The following NKIRAS1 variants were observed in gnomAD, a reference collection of about 807,000 sequenced individuals.
The protein encoded by NKIRAS1 is NF-kappa-B inhibitor-interacting Ras-like protein 1.
In NKIRAS1, 16 loss-of-function variants were observed where a neutral mutation model predicts 19.8. The observed-to-expected ratio is 0.81, with a 90% CI of 0.55 to 1.23. The LOEUF (loss-of-function observed/expected upper bound fraction) is 1.23. Ranked by LOEUF, NKIRAS1 falls within the 50% of genes most tolerant of loss-of-function variation. NKIRAS1 has a pLI of 0.00. For synonymous variants in NKIRAS1, 88 were observed against 79.0 expected, an observed-to-expected ratio of 1.11 and a Z score of -0.61; for missense variants, 184 against 220.0, an observed-to-expected ratio of 0.84 and a Z score of 1.04.
At chr3:23,895,601 T>C (rs556771297) in intron 4 of NKIRAS1, among the ~76,000 whole-genome samples, 1 of 152,310 alleles carries the variant, frequency 6.6e-6, no homozygotes, top group East Asian at 1.9e-4. Flanking sequence ...AACCAGACTC[T>C]GTGCCTACAC....
At chr3:23,903,281 T>C (rs545091370) in intron 3 of NKIRAS1, among the ~76,000 whole-genome samples, 5 of 152,146 alleles carry the variant, frequency 3.3e-5, no homozygotes, top group South Asian at 2.1e-4. Flanking sequence ...GCCCCACTAA[T>C]TCTTGTATTT....
At chr3:23,919,929 G>A (rs968839297), upstream of NKIRAS1, 7 of 989,304 alleles carry the variant, frequency 7.1e-6, no homozygotes, top group African/African-American at 1.2e-4. Context: ...TTTTAAGTTG[G>A]GCTTTAGAAA....
At position 23,893,353 on chromosome 3, in the gene NKIRAS1, T is replaced by C. The variant is rs746838504; in HGVS notation, c.337-16A>G. The C allele has an allele frequency of 1.9e-6, 3 of 1,610,696 alleles. No individual in the cohort carries two copies. The highest frequency in any genetic ancestry group is 2.7e-5 in the African/African-American group (2 of 74,810). The stretch of plus-strand genomic sequence containing the variant: ...CAATTGCTACCTGAAAGAAAACGGA[T>C]TGAAAAGATCATACTAGTACTTTGC... On this transcript the variant is annotated splice_polypyrimidine_tract_variant and intron_variant, in intron 4 of 4. Transcript: ENST00000425478.
At chr3:23,918,383 G>A, upstream of NKIRAS1, 3 of 1,581,916 alleles carry the variant, frequency 1.9e-6, no homozygotes, top group Non-Finnish European at 2.6e-6. Context: ...AAGCCATTGA[G>A]TCTTAAGCCT....
rs994644085 is a variant in NKIRAS1 at position 23,890,185 on chromosome 3, C to T, written c.*2910G>A. On this transcript the variant is annotated 3_prime_UTR_variant, in exon 5 of 5. Transcript: ENST00000425478. ...CTGGATGTTCATTGCAGTCTGAAGC[C>T]TTGACCGTTCCAGTCTCTACTGAAC... Among the ~76,000 whole-genome samples, 2 of 152,128 alleles carry T rather than the reference C, an allele frequency of 1.3e-5. No individual in the cohort carries two copies. The highest frequency in any genetic ancestry group is 4.8e-5 in the African/African-American group (2 of 41,408).
intron 1 of NKIRAS1, among the ~76,000 whole-genome samples, chr3:23,915,301 T>C (rs1195992380): frequency 1.3e-5 from 2 of 151,994 alleles, no homozygotes. Context: ...CTTCATAAGG[T>C]GGAAAAGCCA....
chr3:23,915,126 C>T (rs4241514), intron 1 of NKIRAS1, among the ~76,000 whole-genome samples: 116,529 of 152,148 alleles, frequency 0.77, 45,238 homozygotes, highest in African/African-American at 0.85. Flanking sequence ...AACTTCCATA[C>T]GAAGATATTA....
intron 1 of NKIRAS1, 75 bp downstream of exon 1, chr3:23,916,709 G>A (rs776301902): frequency 6.7e-6 from 1 of 148,806 alleles, no homozygotes; most frequent in African/African-American, 2.5e-5. Context: ...GGTGGCCAGA[G>A]AGGGACAGCG....
At chr3:23,911,182 A>T in intron 2 of NKIRAS1, 147 bp downstream of exon 2, 1 of 310,322 alleles carries the variant, frequency 3.2e-6, no homozygotes, top group Non-Finnish European at 6.1e-6. Context: ...GGCCAGGCAC[A>T]GTGGCTCATG....
upstream of NKIRAS1, chr3:23,918,421 CGT>C (rs769860211): frequency 1.3e-5 from 21 of 1,608,218 alleles, no homozygotes; most frequent in African/African-American, 2.5e-4. Context: ...TCACTAATTT[CGT>C]GTGTGTTTGT....
At chr3:23,931,495 C>T (rs891789014) in intron 1 of NKIRAS1, among the ~76,000 whole-genome samples, 9 of 152,334 alleles carry the variant, frequency 5.9e-5, no homozygotes, top group African/African-American at 9.6e-5. Flanking sequence ...AAACATTCCT[C>T]GTCCTTGCCC....
rs1575050840 is a variant in NKIRAS1, at chr3:23,890,219, A to T, written c.*2876T>A. Among the ~76,000 whole-genome samples the T allele has an allele frequency of 1.3e-5, 2 of 152,040 alleles. No homozygotes were observed. Among genetic ancestry groups the T allele is most frequent in the East Asian group, 3.8e-4 (2 of 5,200 alleles). On this transcript the variant is annotated 3_prime_UTR_variant, in exon 5 of 5. Coordinates refer to ENST00000425478, the MANE Select transcript of NKIRAS1 (RefSeq NM_020345.4). ...TCCAGTCTCTACTGAACTCAGCCTA[A>T]CACATAAGAGTAAAGAAACTCCAAT...
intron 3 of NKIRAS1, among the ~76,000 whole-genome samples, chr3:23,908,726 C>T (rs990903025): frequency 1.3e-5 from 2 of 152,070 alleles, no homozygotes; most frequent in Admixed American, 6.5e-5. Context: ...TTGGAACATA[C>T]TGGTGTGATC....
chr3:23,933,299 C>T (rs1705345692), intron 1 of NKIRAS1, among the ~76,000 whole-genome samples: 1 of 152,230 alleles, frequency 6.6e-6, no homozygotes, highest in African/African-American at 2.4e-5. Context: ...AATTCTTCCT[C>T]ACTGTTGCTG....
At chr3:23,945,730 C>G in intron 1 of NKIRAS1, 1 of 595,712 alleles carries the variant, frequency 1.7e-6, no homozygotes, top group Non-Finnish European at 2.3e-6. Context: ...CGCGTGTCCG[C>G]CTCTGGCTCG....
At chr3:23,923,597 T>C (rs1705154191) in intron 1 of NKIRAS1, 1 of 152,224 alleles carries the variant, frequency 6.6e-6, no homozygotes, top group Non-Finnish European at 1.5e-5. Context: ...TGGACCCTCC[T>C]GATGGACATT....
At chr3:23,904,151 GA>G (rs1031007716) in intron 3 of NKIRAS1, among the ~76,000 whole-genome samples, 1 of 151,786 alleles carries the variant, frequency 6.6e-6, no homozygotes, top group Admixed American at 6.6e-5. Context: ...AGTAAAAAAA[GA>G]AAAAGAAAGA....
chr3:23,905,900 T>C (rs1702995848), intron 3 of NKIRAS1, among the ~76,000 whole-genome samples: 1 of 151,636 alleles, frequency 6.6e-6, no homozygotes, highest in South Asian at 2.1e-4. Context: ...GGCTCATGCC[T>C]ATAATCCCAA....
At chr3:23,901,923 A>G (rs888197905) in intron 3 of NKIRAS1, among the ~76,000 whole-genome samples, 1 of 152,152 alleles carries the variant, frequency 6.6e-6, no homozygotes, top group Non-Finnish European at 1.5e-5. Flanking sequence ...AAATACAAAA[A>G]TTCGCTGGGT....
Sources: gnomAD v4.1 joint callset for allele counts (sites outside exome capture counted in the v4.1 genomes callset) on GRCh38, gnomAD v4.1.1 for gene constraint, MANE v1.5 for transcripts, NCBI Gene and HGNC (gene_info 2026-07-23, HGNC 2026-07-21) for gene names.